Variants in RRP1 observed in about 807,000 individuals in gnomAD.
RRP1 encodes the protein ribosomal RNA processing protein 1 homolog A.
Under a neutral mutation model 54.6 loss-of-function variants are expected in RRP1, and 37 were observed. That is an observed-to-expected ratio of 0.68 (90% CI 0.52 to 0.89). The LOEUF (loss-of-function observed/expected upper bound fraction) is 0.89, where lower values mean the gene tolerates loss of function less well. Among genes scored for constraint, RRP1 ranks in the 40% least tolerant of loss-of-function variants. The pLI, the probability that RRP1 is intolerant of heterozygous loss-of-function variation, is 0.00. For missense variants in RRP1, 639 were observed against 612.5 expected, an observed-to-expected ratio of 1.04 and a Z score of -0.46; for synonymous variants, 262 against 244.3, an observed-to-expected ratio of 1.07 and a Z score of -0.67.
chr21:43,800,240 C>T (rs147447102), intron 9 of RRP1, among the ~76,000 whole-genome samples: 4 of 152,370 alleles, frequency 2.6e-5, no homozygotes, highest in East Asian at 3.9e-4. Context: ...AGGCTACCGG[C>T]GGGCGTGTGC....
intron 8 of RRP1, 25 bp from the exon 9 acceptor site, chr21:43,799,545 G>T (rs565244466): frequency 1.2e-6 from 2 of 1,604,324 alleles, no homozygotes; most frequent in South Asian, 2.2e-5. Context: ...CACAGGTAGG[G>T]TTCACGGGGT....
chr21:43,802,214 A>C, intron 11 of RRP1, 60 bp from the exon 12 acceptor site: 1 of 1,229,036 alleles, frequency 8.1e-7, no homozygotes, highest in Non-Finnish European at 1.2e-6. Flanking sequence ...GGAAGCAGCG[A>C]GCCTCAAACC....
chr21:43,803,603 G>C lies in RRP1; in HGVS notation c.1215G>C (p.Glu405Asp), dbSNP rs1167107922. The C allele has an allele frequency of 6.4e-7, 1 of 1,551,750 alleles. No homozygotes were observed. The highest frequency in any genetic ancestry group is 2.4e-5 in the East Asian group (1 of 41,084). The change falls in exon 13 of 13, where the codon GAG becomes GAC. Residue 405 changes from glutamate to aspartate, a missense_variant. Coordinates refer to ENST00000497547, the MANE Select transcript of RRP1 (RefSeq NM_003683.6). ...GGGCCGACCCCGAGGCGCGGGCAGA[G>C]GCTGGTGAGCAGCCAGGCACAGCTG... ...GVGADPEARA[E>D]AGEQPGTAER...
intron 2 of RRP1, among the ~76,000 whole-genome samples, chr21:43,791,644 A>G (rs1032601033): frequency 6.6e-6 from 1 of 152,160 alleles, no homozygotes; most frequent in African/African-American, 2.4e-5. Flanking sequence ...CTGGGAGTAC[A>G]GGTACCTGCC....
At position 43,790,736 on chromosome 21, in the gene RRP1, G is replaced by A. The variant is rs1441384834; in HGVS notation, c.134-614G>A. The A allele has an allele frequency of 4.9e-5, 14 of 287,658 alleles. No homozygotes were observed. In the East Asian group the frequency reaches 7.1e-4, roughly 15 times the overall value. 17.8% of individuals were successfully genotyped at this position (287,658 alleles called of 1,614,324 possible). Reference sequence around the variant, plus strand: ...CCCAATAGCTGGGACTACTGGCACCGTGCGGCCAGGCCAGCTAAGTTTTGT... The same window carrying A: ...CCCAATAGCTGGGACTACTGGCACCATGCGGCCAGGCCAGCTAAGTTTTGT... On this transcript the variant is annotated intron_variant, in intron 1 of 12. Transcript: ENST00000497547.
intron 5 of RRP1, 28 bp downstream of exon 5, chr21:43,795,278 G>A: frequency 6.2e-7 from 1 of 1,611,458 alleles, no homozygotes; most frequent in Non-Finnish European, 8.5e-7. Context: ...CTGCTCTGGG[G>A]GGACGCTGTT....
rs562805495 is a variant in RRP1 at position 43,804,496 on chromosome 21, C to G, written c.*722C>G. On this transcript the variant is annotated 3_prime_UTR_variant, in exon 13 of 13. Transcript: ENST00000497547. The surrounding 1 kb of genome is among the most constrained non-coding windows in gnomAD (Gnocchi z 4.3). ...GCGTCCTCCCTGCCCCTCTCCCCTT[C>G]ACACCTGCTGGAGCCTGTGAGGGAG... The G allele has an allele frequency of 1.3e-5, 2 of 152,688 alleles. No homozygotes were observed. The highest frequency in any genetic ancestry group is 2.9e-5 in the Non-Finnish European group (2 of 68,216). 9.5% of individuals were successfully genotyped at this position (152,688 alleles called of 1,614,324 possible).
intron 8 of RRP1, among the ~76,000 whole-genome samples, chr21:43,798,718 G>A (rs2085050692): frequency 6.6e-6 from 1 of 152,044 alleles, no homozygotes; most frequent in South Asian, 2.1e-4. Flanking sequence ...GGCAGCCGTG[G>A]GGTCCAGCCT....
rs753831200 is a variant in RRP1, at chr21:43,793,430, G to A, written c.360+26G>A. The stretch of plus-strand genomic sequence containing the variant: ...GTGAGGCAGCCACCAGGGTGCCGGC[G>A]GGCGGGGGCAGCGCGGGTCTCAGTG... On this transcript the variant is annotated intron_variant, in intron 4 of 12. Coordinates refer to ENST00000497547, the MANE Select transcript of RRP1 (RefSeq NM_003683.6). 1.2e-5 allele frequency: 19 copies of A among 1,601,124 alleles called. 1 individual carries two copies. Among genetic ancestry groups the A allele is most frequent in the Middle Eastern group, 3.4e-4 (2 of 5,932 alleles).
chr21:43,797,622 T>TC lies in RRP1; in HGVS notation c.553-5dup. The TC allele has an allele frequency of 6.2e-7, 1 of 1,614,124 alleles. No individual in the cohort carries two copies. Among genetic ancestry groups the TC allele is most frequent in the Non-Finnish European group, 8.5e-7 (1 of 1,180,030 alleles). The stretch of plus-strand genomic sequence containing the variant: ...GGAGGAACTGAGCTCCCGCTGGCTT[T>TC]CCCCGTAGCTTACGGCAGACCAGAA... On this transcript the variant is annotated splice_polypyrimidine_tract_variant and intron_variant, in intron 6 of 12. Transcript: ENST00000497547.
At chr21:43,799,071 C>T (rs2085054909) in intron 8 of RRP1, among the ~76,000 whole-genome samples, 1 of 152,194 alleles carries the variant, frequency 6.6e-6, no homozygotes, top group African/African-American at 2.4e-5. Context: ...TGCTGCCCCA[C>T]AGCTGCCTGT....
At chr21:43,795,398 G>A in intron 5 of RRP1, 148 bp downstream of exon 5, 1 of 758,120 alleles carries the variant, frequency 1.3e-6, no homozygotes, top group South Asian at 1.7e-5. Flanking sequence ...AGTTTTTAAA[G>A]TAAAAATCAG....
At position 43,802,563 on chromosome 21, in the gene RRP1, G is replaced by T; in HGVS notation, c.1123+176G>T. 16 of 583,366 alleles carry T rather than the reference G, an allele frequency of 2.7e-5. No individual in the cohort carries two copies. The South Asian group carries it at 2.8e-4, about 10-fold the overall frequency. The allele number at this position is 583,366 out of a possible 1,614,324, so 36.1% of individuals were successfully genotyped here. A position where few individuals can be genotyped will look rare whatever the true frequency, so the allele number is the denominator to read the frequency against. On this transcript the variant is annotated intron_variant, in intron 12 of 12. Coordinates refer to ENST00000497547, the MANE Select transcript of RRP1 (RefSeq NM_003683.6). ...CCTGTCCTCGGCATCCCTCCTGTAG[G>T]CCTCTCCCTGCCTCCCCCACCCACC...
At chr21:43,789,989 C>T (rs1601864079) in intron 1 of RRP1, among the ~76,000 whole-genome samples, 1 of 152,314 alleles carries the variant, frequency 6.6e-6, no homozygotes. Flanking sequence ...GAACGCTCCT[C>T]CCCAGCCCCG....
chr21:43,802,514 G>A (rs2085105437), intron 12 of RRP1, 127 bp downstream of exon 12: 1 of 722,838 alleles, frequency 1.4e-6, no homozygotes. Flanking sequence ...CTGGGTGCCT[G>A]CTATCCACGC....
chr21:43,799,694 CTG>C, intron 9 of RRP1, 45 bp downstream of exon 9: 2 of 1,550,328 alleles, frequency 1.3e-6, no homozygotes, highest in Admixed American at 1.8e-5. Context: ...CTTTGCCCCT[CTG>C]TGCTACCGCT....
chr21:43,796,896 CTGG>C (rs960083613), intron 5 of RRP1, among the ~76,000 whole-genome samples: 1 of 152,210 alleles, frequency 6.6e-6, no homozygotes, highest in Non-Finnish European at 1.5e-5. Flanking sequence ...AGGGAGAGCT[CTGG>C]TGGACGTCAC....
In RRP1 at chr21:43,795,236, A is replaced by G; in HGVS notation, c.408A>G (p.Gln136=). Residue 136 remains glutamine (Q), a synonymous_variant, in exon 5 of 13, where the codon CAA becomes CAG. Transcript: ENST00000497547. The part of the protein sequence containing the change: ...LNESLKVLKM[Q]GWEERQIEEL... ...AGTCCTTGAAGGTTCTGAAGATGCAAGGCTGGGAAGAAAGGTGGGTGCGCG... is the reference window on the plus strand; with the variant it reads ...AGTCCTTGAAGGTTCTGAAGATGCAGGGCTGGGAAGAAAGGTGGGTGCGCG... 6.2e-7 allele frequency: 1 copy of G among 1,613,844 alleles called. No individual in the cohort carries two copies. Among genetic ancestry groups the G allele is most frequent in the Non-Finnish European group, 8.5e-7 (1 of 1,179,970 alleles).
intron 1 of RRP1, 177 bp from the exon 2 acceptor site, chr21:43,791,173 G>A (rs2084953216): frequency 5.9e-6 from 4 of 679,078 alleles, no homozygotes; most frequent in African/African-American, 1.8e-5. Flanking sequence ...AGCCACAGGC[G>A]CGGCAGGTTC....
Sources: gnomAD v4.1 joint callset for allele counts (sites outside exome capture counted in the v4.1 genomes callset) on GRCh38, gnomAD v4.1.1 for gene constraint, Gnocchi (gnomAD v3.1) non-coding constraint, MANE v1.5 for transcripts, NCBI Gene and HGNC (gene_info 2026-07-23, HGNC 2026-07-21) for gene names.